AR: variants seen among roughly 807,000 people sequenced by gnomAD.
AR encodes the protein dihydrotestosterone receptor.
AR carries 8 observed loss-of-function variants against 53.9 expected under a neutral mutation model. The ratio of observed to expected loss-of-function variants is 0.15; its 90% CI spans 0.09 to 0.27. The LOEUF is 0.27. AR is among the 10% of genes least tolerant of loss of function. The pLI is 1.00. For missense variants in AR, 639 were observed against 742.5 expected (o/e 0.86, Z 1.62); for synonymous variants, 359 against 316.4 (o/e 1.13, Z -1.43).
chrX:67,550,732 C>A (rs755529530), intron 1 of AR, among the ~76,000 whole-genome samples: 1 of 109,406 alleles, frequency 9.1e-6, no homozygotes, highest in African/African-American at 3.3e-5. Flanking sequence ...TCTCTCCCTA[C>A]CCCCCACCTC....
chrX:67,570,181 G>A (rs1178256960), intron 1 of AR, among the ~76,000 whole-genome samples: 2 of 111,670 alleles, frequency 1.8e-5, no homozygotes, highest in Non-Finnish European at 3.8e-5. Context: ...GTATGTGTAC[G>A]CATCCATGTA....
chrX:67,697,901 A>G (rs1411537986), intron 3 of AR, among the ~76,000 whole-genome samples: 1 of 111,856 alleles, frequency 8.9e-6, no homozygotes, highest in Admixed American at 9.5e-5. Context: ...GCACTTTTTC[A>G]CCATGCTTTA....
At chrX:67,720,237 C>G (rs2076130089) in intron 5 of AR, among the ~76,000 whole-genome samples, 1 of 110,508 alleles carries the variant, frequency 9.0e-6, no homozygotes, top group Non-Finnish European at 1.9e-5. Flanking sequence ...TTTTTCTACC[C>G]TCCATTCTCC....
In AR at chrX:67,628,574, A is replaced by G. The variant is rs1177353158; in HGVS notation, c.1617-14682A>G. ...GGTTTTCTAGATATACAATCATGTC[A>G]TCTGCAAACAGGGACAATTTGACTT... On this transcript the variant is annotated intron_variant, in intron 1 of 7. Transcript: ENST00000374690. Among the ~76,000 whole-genome samples the G allele has an allele frequency of 4.0e-3, 435 of 108,741 alleles. 2 individuals carry two copies. The highest frequency in any genetic ancestry group is 0.014 in the African/African-American group (415 of 30,470). 94.4% of individuals were successfully genotyped at this position (108,741 alleles called of 115,157 possible).
Position 67,711,487 on chromosome X carries a change from C to G in AR, c.1971C>G (p.Thr657=). The part of the protein sequence containing the change: ...SSTTSPTEET[T]QKLTVSHIEG... ...CCACCAGCCCCACTGAGGAGACAAC[C>G]CAGAAGCTGACAGTGTCACACATTG... The change falls in exon 4 of 8, where the codon ACC becomes ACG. Residue 657 remains threonine, a synonymous_variant. Coordinates refer to ENST00000374690, the MANE Select transcript of AR (RefSeq NM_000044.6). 1.7e-6 allele frequency: 2 copies of G among 1,210,144 alleles called. No individual in the cohort carries two copies. The highest frequency in any genetic ancestry group is 2.2e-6 in the Non-Finnish European group (2 of 894,784).
chrX:67,715,163 C>T (rs1334925147), intron 4 of AR, among the ~76,000 whole-genome samples: 2 of 111,261 alleles, frequency 1.8e-5, no homozygotes, highest in African/African-American at 6.5e-5. Context: ...TTTCTTGCTC[C>T]CCACTGCCTC....
chrX:67,651,200 C>G (rs1293956641), intron 2 of AR, among the ~76,000 whole-genome samples: 1 of 67,885 alleles, frequency 1.5e-5, no homozygotes, highest in African/African-American at 3.6e-5. Flanking sequence ...ATCACCACAC[C>G]CAGCTTTTTT....
At chrX:67,630,143 G>A (rs1390847377) in intron 1 of AR, among the ~76,000 whole-genome samples, 1 of 111,212 alleles carries the variant, frequency 9.0e-6, no homozygotes, top group Non-Finnish European at 1.9e-5. Context: ...TTCTGTAGAT[G>A]TCTATTAGGT....
At chrX:67,627,411 T>G (rs1602203414) in intron 1 of AR, among the ~76,000 whole-genome samples, 3 of 112,540 alleles carry the variant, frequency 2.7e-5, no homozygotes, top group Non-Finnish European at 3.8e-5. Flanking sequence ...ATGTGTTTTT[T>G]GGGTGCATAA....
intron 2 of AR, among the ~76,000 whole-genome samples, chrX:67,679,976 T>G (rs1432033421): frequency 8.9e-6 from 1 of 112,376 alleles, no homozygotes; most frequent in African/African-American, 3.2e-5. Flanking sequence ...AAATGACCTT[T>G]TCTACCTTTA....
chrX:67,548,486 C>T (rs998306025), intron 1 of AR, among the ~76,000 whole-genome samples: 2 of 110,821 alleles, frequency 1.8e-5, no homozygotes, highest in African/African-American at 3.3e-5. Flanking sequence ...TGTCACTAGA[C>T]GGTGGAGCCC....
At chrX:67,722,747 G>A (rs1161222356) in intron 6 of AR, 80 bp from the exon 7 acceptor site, 21 of 1,131,574 alleles carry the variant, frequency 1.9e-5, no homozygotes, top group Non-Finnish European at 2.4e-5. Flanking sequence ...TCAAGTCTGT[G>A]GTCAGAAAAC....
intron 2 of AR, among the ~76,000 whole-genome samples, chrX:67,661,684 A>G (rs1926926890): frequency 9.0e-6 from 1 of 111,313 alleles, no homozygotes; most frequent in African/African-American, 3.3e-5. Flanking sequence ...TGGCTTTGGT[A>G]TCAGGATGAT....
intron 1 of AR, among the ~76,000 whole-genome samples, chrX:67,575,247 T>C (rs1419751170): frequency 9.0e-6 from 1 of 111,565 alleles, no homozygotes; most frequent in African/African-American, 3.3e-5. Context: ...GGGCCACCCA[T>C]CCTTTGAAAA....
At chrX:67,691,173 T>A (rs1006553326) in intron 3 of AR, among the ~76,000 whole-genome samples, 1 of 111,926 alleles carries the variant, frequency 8.9e-6, no homozygotes, top group Non-Finnish European at 1.9e-5. Flanking sequence ...AGCATCAAAT[T>A]TTGCTAAACA....
rs2147322234 is a variant in AR, at chrX:67,546,558, G to A, written c.1412G>A (p.Gly471Asp). 1 of 959,739 alleles carries A rather than the reference G, an allele frequency of 1.0e-6. No individual in the cohort carries two copies. Among genetic ancestry groups the A allele is most frequent in the Non-Finnish European group, 1.3e-6 (1 of 762,065 alleles). 79.1% of individuals were successfully genotyped at this position (959,739 alleles called of 1,213,427 possible). ...GGCGGCGGCGGCGGCGGCGGCGGCGGCGGCGGCGAGGCGGGAGCTGTAGCC... is the reference window on the plus strand; with the variant it reads ...GGCGGCGGCGGCGGCGGCGGCGGCGACGGCGGCGAGGCGGGAGCTGTAGCC... ...GGGGGGGGGG[G>D]GGEAGAVAPY... The change falls in exon 1 of 8, where the codon GGC (glycine) becomes GAC (aspartate). Residue 471 changes from glycine to aspartate, a missense_variant. This residue lies in a region of AR where 423 missense variants were observed against 377.0 expected (regional missense o/e 1.12). Coordinates refer to ENST00000374690, the MANE Select transcript of AR (RefSeq NM_000044.6).
At chrX:67,701,408 A>C (rs1485889933) in intron 3 of AR, among the ~76,000 whole-genome samples, 1 of 110,650 alleles carries the variant, frequency 9.0e-6, no homozygotes, top group African/African-American at 3.3e-5. Context: ...CCTGGCTCTA[A>C]TCTCAGCTCT....
intron 3 of AR, among the ~76,000 whole-genome samples, chrX:67,705,431 G>T (rs1345638710): frequency 1.8e-5 from 2 of 111,435 alleles, no homozygotes; most frequent in Non-Finnish European, 3.8e-5. Flanking sequence ...GTTCACTCAT[G>T]ATTTGGCTTC....
chrX:67,640,100 TTGA>T (rs1457471056), intron 1 of AR, among the ~76,000 whole-genome samples: 1 of 111,877 alleles, frequency 8.9e-6, no homozygotes, highest in African/African-American at 3.2e-5. Context: ...ATTGGTTCTG[TTGA>T]TGTGATGGAT....
Sources: allele counts gnomAD v4.1 joint callset (sites outside exome capture counted in the v4.1 genomes callset), GRCh38; gene constraint gnomAD v4.1.1; regional missense constraint gnomAD v4.1.1; transcripts MANE v1.5; gene names NCBI Gene and HGNC (gene_info 2026-07-23, HGNC 2026-07-21).